The following TMEFF2 variants were observed in gnomAD, a reference collection of about 807,000 sequenced individuals.
TMEFF2 encodes transmembrane protein with EGF like and two follistatin like domains 2.
TMEFF2 carries 28 observed loss-of-function variants against 53.8 expected under a neutral mutation model. The ratio of observed to expected loss-of-function variants is 0.52; its 90% CI spans 0.39 to 0.71. The LOEUF (loss-of-function observed/expected upper bound fraction) is 0.71, where lower values mean the gene tolerates loss of function less well. TMEFF2 is among the 30% of genes least tolerant of loss of function. The pLI, the probability that TMEFF2 is intolerant of heterozygous loss-of-function variation, is 0.00. For missense variants in TMEFF2, 353 were observed against 455.2 expected, an observed-to-expected ratio of 0.78 and a Z score of 2.04; for synonymous variants, 162 against 166.3, an observed-to-expected ratio of 0.97 and a Z score of 0.20.
chr2:192,157,520 A>C (rs1040427103), intron 4 of TMEFF2, among the ~76,000 whole-genome samples: 1 of 152,042 alleles, frequency 6.6e-6, no homozygotes, highest in Non-Finnish European at 1.5e-5. Flanking sequence ...GAAGTGTAAC[A>C]CTTATTTGGA....
At position 192,037,284 on chromosome 2, in the gene TMEFF2, A is replaced by AGAAAGAAAG. The variant is rs1491175401; in HGVS notation, c.536+20386_536+20394dup. 4.9e-4 allele frequency among the ~76,000 whole-genome samples: 65 copies of AGAAAGAAAG among 132,030 alleles called. 2 individuals are homozygous for AGAAAGAAAG. The highest frequency in any genetic ancestry group is 2.3e-3 in the African/African-American group (63 of 27,112). The allele number at this position is 132,030 out of a possible 152,430, so 86.6% of individuals were successfully genotyped here. Reference sequence around the variant, plus strand: ...AAGACTAGCCAAAATAAAGAAAGAAAGAAAGAAAGAAAGAAAGAAAGAAAG... The same window carrying AGAAAGAAAG: ...AAGACTAGCCAAAATAAAGAAAGAAAGAAAGAAAGGAAAGAAAGAAAGAAAGAAAGAAAG... On this transcript the variant is annotated intron_variant, in intron 5 of 9. Coordinates refer to ENST00000272771, the MANE Select transcript of TMEFF2 (RefSeq NM_016192.4).
rs759845304 is a variant in TMEFF2, at chr2:191,953,768, A to T, written c.939T>A (p.Gly313=). 12 of 1,614,128 alleles carry T rather than the reference A, an allele frequency of 7.4e-6. No homozygotes were observed. In the South Asian group the frequency reaches 1.3e-4, roughly 18 times the overall value. ...TTAAGACATACTGAAATCGTACAGG[A>T]CCGGGAACAACGTATAGAACACTGT... ...KDYSVLYVVP[G]PVRFQYVLIA... Residue 313 remains glycine (G), a synonymous_variant, in exon 9 of 10, where the codon GGT becomes GGA. Coordinates refer to ENST00000272771, the MANE Select transcript of TMEFF2 (RefSeq NM_016192.4).
rs915849851 is a variant in TMEFF2, at chr2:192,193,804, A to G, written c.172+549T>C. On this transcript the variant is annotated intron_variant, in intron 1 of 9. Coordinates refer to ENST00000272771, the MANE Select transcript of TMEFF2 (RefSeq NM_016192.4). ...GAGAGAGAGAGAGAGAGAGAGAGAG[A>G]GAGAAATTCTATTGAAACCCAGCTC... Among the ~76,000 whole-genome samples, 6 of 147,536 alleles carry G rather than the reference A, an allele frequency of 4.1e-5. No individual in the cohort carries two copies. In the South Asian group the frequency reaches 6.5e-4, roughly 16 times the overall value.
chr2:192,099,487 G>A (rs373179166), intron 4 of TMEFF2, among the ~76,000 whole-genome samples: 27 of 152,100 alleles, frequency 1.8e-4, no homozygotes, highest in African/African-American at 6.5e-4. Context: ...ATTGTGTTTC[G>A]AATTTTCTTG....
chr2:192,090,101 A>G (rs986474853), intron 4 of TMEFF2, among the ~76,000 whole-genome samples: 3 of 152,172 alleles, frequency 2.0e-5, no homozygotes, highest in African/African-American at 7.2e-5. Context: ...TAGAAATGGT[A>G]TATATTATTT....
intron 9 of TMEFF2, chr2:191,950,608 G>C (rs1691846266): frequency 1.4e-6 from 1 of 739,832 alleles, no homozygotes; most frequent in Non-Finnish European, 2.3e-6. Context: ...TTTTTGTTGG[G>C]AATTGAACAC....
Position 192,110,906 on chromosome 2 carries a change from G to C in TMEFF2, c.440-53131C>G, listed in dbSNP as rs1689259368. 3.9e-5 allele frequency among the ~76,000 whole-genome samples: 6 copies of C among 152,276 alleles called. No homozygotes were observed. In the South Asian group the frequency reaches 1.2e-3, roughly 32 times the overall value. On this transcript the variant is annotated intron_variant, in intron 4 of 9. Coordinates refer to ENST00000272771, the MANE Select transcript of TMEFF2 (RefSeq NM_016192.4). ...TCATGGTACTGAATAAGTCTCATGAGATCTGATGGTTTTATAAGGGGAAGC... is the reference window on the plus strand; with the variant it reads ...TCATGGTACTGAATAAGTCTCATGACATCTGATGGTTTTATAAGGGGAAGC...
intron 7 of TMEFF2, among the ~76,000 whole-genome samples, chr2:191,964,405 TTTCTTTCTTTC>T: frequency 2.8e-5 from 3 of 106,956 alleles, no homozygotes; most frequent in Admixed American, 9.3e-5. Context: ...TTTCTCTTTC[TTTCTTTCTTTC>T]TTTCTTTCTT....
chr2:192,099,618 A>T (rs1157489514), intron 4 of TMEFF2, among the ~76,000 whole-genome samples: 1 of 152,180 alleles, frequency 6.6e-6, no homozygotes, highest in African/African-American at 2.4e-5. Context: ...GATGGCCCAT[A>T]TACGAAGCCC....
chr2:192,188,871 CTATCTATCT>C (rs1691387772), intron 2 of TMEFF2, among the ~76,000 whole-genome samples: 1 of 150,636 alleles, frequency 6.6e-6, no homozygotes, highest in South Asian at 2.1e-4. Context: ...ATCTATCTAT[CTATCTATCT>C]ATCTGTCCAT....
intron 4 of TMEFF2, chr2:192,177,340 T>C (rs1691071230): frequency 6.6e-6 from 1 of 151,142 alleles, no homozygotes; most frequent in Non-Finnish European, 1.5e-5. Flanking sequence ...TTTGTGCAAG[T>C]TATTCTAAAC....
intron 4 of TMEFF2, among the ~76,000 whole-genome samples, chr2:192,073,202 A>G (rs370733126): frequency 1.3e-5 from 2 of 151,976 alleles, no homozygotes; most frequent in Non-Finnish European, 2.9e-5. Context: ...AATGGGGAAG[A>G]TGTGTTTTAA....
chr2:192,064,590 C>A (rs1407224739), intron 4 of TMEFF2, among the ~76,000 whole-genome samples: 1 of 151,834 alleles, frequency 6.6e-6, no homozygotes, highest in Non-Finnish European at 1.5e-5. Context: ...TAGATTGTAT[C>A]ATTTCCCCCC....
intron 4 of TMEFF2, among the ~76,000 whole-genome samples, chr2:192,137,741 C>G (rs911152588): frequency 6.7e-6 from 1 of 149,368 alleles, no homozygotes; most frequent in African/African-American, 2.4e-5. Flanking sequence ...ATACATCTAT[C>G]TATATATCTA....
chr2:192,121,097 AAAAAC>A (rs1261540969), intron 4 of TMEFF2, among the ~76,000 whole-genome samples: 3 of 139,114 alleles, frequency 2.2e-5, no homozygotes, highest in Non-Finnish European at 5.1e-5. Flanking sequence ...AGAGAAGAGG[AAAAAC>A]AAAACAAAAG....
chr2:191,964,360 CTT>C lies in TMEFF2; in HGVS notation c.746-7984_746-7983del, dbSNP rs1382552112. Reference sequence around the variant, plus strand: ...TCTTTCTTTCTTTCTTTCTTTCTTTCTTTCTTTCTTTCTCTTTCTTTCTTTCT... The same window carrying C: ...TCTTTCTTTCTTTCTTTCTTTCTTTCTCTTTCTTTCTCTTTCTTTCTTTCT... On this transcript the variant is annotated intron_variant, in intron 7 of 9. Transcript: ENST00000272771. Among the ~76,000 whole-genome samples the C allele has an allele frequency of 6.9e-3, 706 of 102,768 alleles. 6 individuals are homozygous for C. Among genetic ancestry groups the C allele is most frequent in the African/African-American group, 0.016 (357 of 22,344 alleles). The allele number at this position is 102,768 out of a possible 152,430, so 67.4% of individuals were successfully genotyped here.
chr2:191,958,330 C>A (rs773990816), intron 7 of TMEFF2, among the ~76,000 whole-genome samples: 5 of 152,186 alleles, frequency 3.3e-5, no homozygotes, highest in Non-Finnish European at 5.9e-5. Context: ...CTTCTGAACA[C>A]CTGCATGCAG....
chr2:192,103,402 T>C (rs1689078068), intron 4 of TMEFF2, among the ~76,000 whole-genome samples: 1 of 152,136 alleles, frequency 6.6e-6, no homozygotes, highest in African/African-American at 2.4e-5. Flanking sequence ...ATGGACCTTT[T>C]AGTTTTGGAT....
chr2:192,003,386 A>G (rs1686415272), intron 5 of TMEFF2, among the ~76,000 whole-genome samples: 1 of 152,190 alleles, frequency 6.6e-6, no homozygotes, highest in African/African-American at 2.4e-5. Flanking sequence ...TCACAGACCC[A>G]AATTCCTATC....
Sources: allele counts gnomAD v4.1 joint callset (sites outside exome capture counted in the v4.1 genomes callset), GRCh38; gene constraint gnomAD v4.1.1; transcripts MANE v1.5; gene names NCBI Gene and HGNC (gene_info 2026-07-23, HGNC 2026-07-21).